Variants in MECOM observed in about 807,000 individuals in gnomAD.
The protein encoded by MECOM is MDS1 and EVI1 complex locus, also known as histone-lysine N-methyltransferase MECOM.
MECOM carries 13 observed loss-of-function variants against 116.3 expected under a neutral mutation model. The ratio of observed to expected loss-of-function variants is 0.11; its 90% CI spans 0.07 to 0.18. MECOM has a LOEUF of 0.18. MECOM is among the 10% of genes least tolerant of loss of function. The pLI is 1.00. For missense variants in MECOM, 1,299 were observed against 1,509.0 expected (o/e 0.86, Z 2.31); for synonymous variants, 528 against 535.2 (o/e 0.99, Z 0.19).
chr3:169,114,184 G>A (rs950018288), intron 8 of MECOM, among the ~76,000 whole-genome samples: 5 of 152,224 alleles, frequency 3.3e-5, no homozygotes, highest in African/African-American at 7.2e-5. Context: ...CACAAAACAC[G>A]GAAGACATGT....
At chr3:169,085,089 A>T (rs1312600150) in intron 16 of MECOM, 46 bp from the exon 17 acceptor site, 2 of 1,610,980 alleles carry the variant, frequency 1.2e-6, no homozygotes, top group Non-Finnish European at 8.5e-7. Context: ...TTTGAAAAAC[A>T]TCACTTTTAG....
intron 2 of MECOM, among the ~76,000 whole-genome samples, chr3:169,368,250 G>T (rs1390337983): frequency 6.6e-6 from 1 of 151,960 alleles, no homozygotes; most frequent in Non-Finnish European, 1.5e-5. Context: ...ACCAAAAGAG[G>T]TTCTAGGGCA....
chr3:169,309,822 C>G (rs1417448551), intron 2 of MECOM, among the ~76,000 whole-genome samples: 2 of 152,184 alleles, frequency 1.3e-5, no homozygotes, highest in Non-Finnish European at 2.9e-5. Context: ...ATGTCGCCAC[C>G]TTGAGCCTCA....
intron 1 of MECOM, among the ~76,000 whole-genome samples, chr3:169,504,799 A>G (rs573266399): frequency 5.3e-5 from 8 of 152,310 alleles, no homozygotes; most frequent in African/African-American, 1.9e-4. Flanking sequence ...ACAAATTTAT[A>G]TTGTTTAAAG....
intron 1 of MECOM, among the ~76,000 whole-genome samples, chr3:169,411,578 T>A (rs986907576): frequency 6.6e-6 from 1 of 152,142 alleles, no homozygotes; most frequent in South Asian, 2.1e-4. Flanking sequence ...TAATCCAAAT[T>A]GCATATTGTG....
At chr3:169,172,812 A>G (rs946129441) in intron 2 of MECOM, among the ~76,000 whole-genome samples, 6 of 152,172 alleles carry the variant, frequency 3.9e-5, no homozygotes, top group African/African-American at 1.4e-4. Context: ...GCAAGCCCTG[A>G]CAAGTTGCTT....
intron 1 of MECOM, among the ~76,000 whole-genome samples, chr3:169,450,079 G>T (rs1223774174): frequency 6.6e-6 from 1 of 151,968 alleles, no homozygotes; most frequent in Non-Finnish European, 1.5e-5. Flanking sequence ...CTCTGTCTAG[G>T]GAATAAAGAA....
chr3:169,445,742 C>T (rs1425830456), intron 1 of MECOM, among the ~76,000 whole-genome samples: 1 of 152,118 alleles, frequency 6.6e-6, no homozygotes, highest in African/African-American at 2.4e-5. Flanking sequence ...AGTGCCAGCC[C>T]ATAAAAGCAG....
chr3:169,088,910 A>G, intron 16 of MECOM, 90 bp downstream of exon 16: 1 of 1,146,656 alleles, frequency 8.7e-7, no homozygotes, highest in Non-Finnish European at 1.2e-6. Flanking sequence ...AAATATTTCA[A>G]AGATAGAATA....
At chr3:169,136,251 A>T (rs913377283) in intron 3 of MECOM, among the ~76,000 whole-genome samples, 2 of 151,626 alleles carry the variant, frequency 1.3e-5, no homozygotes, top group Non-Finnish European at 3.0e-5. Flanking sequence ...GCTTAGATAT[A>T]TTACATATTT....
chr3:169,160,601 T>C (rs1742695677), intron 2 of MECOM, among the ~76,000 whole-genome samples: 1 of 146,784 alleles, frequency 6.8e-6, no homozygotes, highest in Non-Finnish European at 1.5e-5. Flanking sequence ...AATATATTAT[T>C]GTACAATATA....
chr3:169,191,354 A>G (rs1037088839), intron 2 of MECOM, among the ~76,000 whole-genome samples: 3 of 144,880 alleles, frequency 2.1e-5, no homozygotes, highest in Non-Finnish European at 4.6e-5. Flanking sequence ...ACCTGCCTGG[A>G]CCAGGGATGG....
intron 3 of MECOM, among the ~76,000 whole-genome samples, chr3:169,135,050 TAG>T (rs77002953): frequency 0.087 from 13,241 of 152,156 alleles, 1,050 homozygotes; most frequent in East Asian, 0.35. Flanking sequence ...GCTTATAAAA[TAG>T]AGTTATAATG....
chr3:169,404,590 C>T (rs184211096), intron 1 of MECOM, among the ~76,000 whole-genome samples: 2 of 152,284 alleles, frequency 1.3e-5, no homozygotes, highest in East Asian at 3.9e-4. Context: ...GAGGGGGAAG[C>T]CCCCCAAGCT....
At chr3:169,605,495 G>A (rs760875598) in intron 1 of MECOM, among the ~76,000 whole-genome samples, 5 of 152,226 alleles carry the variant, frequency 3.3e-5, no homozygotes, top group Admixed American at 3.3e-4. Flanking sequence ...ATGAGTAACA[G>A]TAACCCTGTT....
chr3:169,575,525 G>T (rs1764389846), intron 1 of MECOM, among the ~76,000 whole-genome samples: 1 of 152,280 alleles, frequency 6.6e-6, no homozygotes, highest in East Asian at 1.9e-4. Context: ...AGCTAATCAG[G>T]GCTGAGCCAA....
At chr3:169,444,029 G>A (rs1744194889) in intron 1 of MECOM, among the ~76,000 whole-genome samples, 1 of 152,144 alleles carries the variant, frequency 6.6e-6, no homozygotes, top group South Asian at 2.1e-4. Context: ...CTGCATCTCA[G>A]GGCTCTTTCT....
chr3:169,431,592 A>G (rs1741642677), intron 1 of MECOM, among the ~76,000 whole-genome samples: 1 of 152,162 alleles, frequency 6.6e-6, no homozygotes, highest in South Asian at 2.1e-4. Context: ...TCCCTGATGG[A>G]TTCCCTGATT....
At chr3:169,625,414 G>A (rs938355233) in intron 1 of MECOM, among the ~76,000 whole-genome samples, 1 of 151,946 alleles carries the variant, frequency 6.6e-6, no homozygotes, top group Admixed American at 6.6e-5. Context: ...TTTTTGCCAG[G>A]CTCTTAAGCA....
Sources: allele counts gnomAD v4.1 joint callset (sites outside exome capture counted in the v4.1 genomes callset), GRCh38; gene constraint gnomAD v4.1.1; transcripts MANE v1.5; gene names NCBI Gene and HGNC (gene_info 2026-07-23, HGNC 2026-07-21).